Variants in PPCS observed in about 807,000 individuals in gnomAD.
PPCS encodes phosphopantothenate--cysteine ligase.
A neutral mutation model predicts 24.6 loss-of-function variants in PPCS; 17 were observed. The ratio of observed to expected loss-of-function variants is 0.69; its 90% CI spans 0.47 to 1.04. The LOEUF (loss-of-function observed/expected upper bound fraction) is 1.04, where lower values mean the gene tolerates loss of function less well. Among genes scored for constraint, PPCS ranks in the 50% least tolerant of loss-of-function variants. The pLI is 0.00. For missense variants in PPCS, 360 were observed against 402.8 expected (o/e 0.89, Z 0.91); for synonymous variants, 190 against 168.3 (o/e 1.13, Z -1.00).
downstream of PPCS, chr1:42,464,337 C>G (rs1289967715): frequency 1.3e-5 from 2 of 152,130 alleles, no homozygotes; most frequent in African/African-American, 4.8e-5. Flanking sequence ...TTCCTTGTTT[C>G]ATTAAATTTT....
chr1:42,458,696 T>C (rs1231450122), intron 2 of PPCS, among the ~76,000 whole-genome samples: 1 of 152,250 alleles, frequency 6.6e-6, no homozygotes, highest in African/African-American at 2.4e-5. Flanking sequence ...GATTTCACGC[T>C]TTTTAATCTC....
At chr1:42,471,388 C>T (rs1304612813) in intron 2 of PPCS, among the ~76,000 whole-genome samples, 2 of 152,172 alleles carry the variant, frequency 1.3e-5, no homozygotes, top group Non-Finnish European at 2.9e-5. Context: ...CTAATTACCT[C>T]ATCAGTTTAT....
At chr1:42,462,035 AAGT>A (rs1290644593), downstream of PPCS, among the ~76,000 whole-genome samples, 1 of 152,216 alleles carries the variant, frequency 6.6e-6, no homozygotes, top group Non-Finnish European at 1.5e-5. Context: ...ATGGGGTTAA[AAGT>A]AGAAGTGATC....
At chr1:42,473,073 T>TTGTG (rs1027187986) in intron 2 of PPCS, 4 of 1,171,578 alleles carry the variant, frequency 3.4e-6, no homozygotes, top group South Asian at 4.4e-5. Flanking sequence ...GCATCCTCAG[T>TTGTG]TGTGTGTGTG....
intron 2 of PPCS, among the ~76,000 whole-genome samples, chr1:42,469,401 G>T (rs1410543698): frequency 6.6e-6 from 1 of 152,156 alleles, no homozygotes; most frequent in African/African-American, 2.4e-5. Flanking sequence ...AAGGCAAAAT[G>T]CAGCAAGTGT....
At chr1:42,473,369 G>A (rs762795435) in exon 3 of PPCS, 26 of 938,058 alleles carry the variant, frequency 2.8e-5, no homozygotes, top group Non-Finnish European at 3.6e-5. Flanking sequence ...TCATTAAATT[G>A]ACATATTAAA....
At chr1:42,456,445 T>G (rs1000546667), upstream of PPCS, 20 of 1,050,138 alleles carry the variant, frequency 1.9e-5, no homozygotes, top group Non-Finnish European at 2.6e-5. Flanking sequence ...CGGGACCTAG[T>G]GTCAAAAGAA....
chr1:42,471,196 C>T (rs1643758675), intron 2 of PPCS, among the ~76,000 whole-genome samples: 1 of 152,080 alleles, frequency 6.6e-6, no homozygotes, highest in South Asian at 2.1e-4. Flanking sequence ...GACCTGAAGC[C>T]TGTACCGTCC....
At chr1:42,467,287 T>C (rs1464622099) in intron 2 of PPCS, among the ~76,000 whole-genome samples, 3 of 152,206 alleles carry the variant, frequency 2.0e-5, no homozygotes, top group Admixed American at 1.3e-4. Flanking sequence ...TGAGAATGGA[T>C]TGGATGAGGG....
intron 2 of PPCS, chr1:42,457,593 T>C (rs1569604067): frequency 1.9e-6 from 1 of 524,732 alleles, no homozygotes; most frequent in Non-Finnish European, 3.4e-6. Flanking sequence ...AGTCAGATCA[T>C]GGGGCGAGTG....
downstream of PPCS, among the ~76,000 whole-genome samples, chr1:42,461,646 ACACC>A: frequency 6.7e-6 from 1 of 150,286 alleles, no homozygotes; most frequent in Non-Finnish European, 1.5e-5. Context: ...TCCCGGGTTC[ACACC>A]ATTCTCCTTC....
Position 42,456,859 on chromosome 1 carries a change from C to T in PPCS, c.294C>T (p.Pro98=). The stretch of plus-strand genomic sequence containing the variant: ...TCCCCTATGCCCACCGCTTCCCACC[C>T]CAGACTTGGCTGTCCGCTCTGCGGC... ...SAFPYAHRFP[P]QTWLSALRPS... The change falls in exon 1 of 3, where the codon CCC becomes CCT. Residue 98 remains proline (P), a synonymous_variant. Transcript: ENST00000372561. The T allele has an allele frequency of 6.2e-7, 1 of 1,613,518 alleles. No individual in the cohort carries two copies. The highest frequency in any genetic ancestry group is 8.5e-7 in the Non-Finnish European group (1 of 1,180,040).
chr1:42,459,150 C>G (rs1375488809), intron 2 of PPCS: 1 of 151,572 alleles, frequency 6.6e-6, no homozygotes, highest in African/African-American at 2.6e-5. Context: ...TCTACAGAGC[C>G]AAGGCTTTTT....
intron 2 of PPCS, among the ~76,000 whole-genome samples, chr1:42,472,770 A>G (rs775757374): frequency 8.5e-5 from 13 of 152,152 alleles, no homozygotes; most frequent in Admixed American, 1.3e-4. Context: ...TTAAGTGCTC[A>G]TAACTAGATA....
chr1:42,464,305 C>G (rs1462011316), downstream of PPCS: 1 of 152,142 alleles, frequency 6.6e-6, no homozygotes, highest in African/African-American at 2.4e-5. Flanking sequence ...CCATTTCAGG[C>G]TTACATAATG....
intron 2 of PPCS, among the ~76,000 whole-genome samples, chr1:42,466,942 A>C (rs535242057): frequency 6.6e-6 from 1 of 152,362 alleles, no homozygotes; most frequent in African/African-American, 2.4e-5. Flanking sequence ...TATTACTTCA[A>C]GATCTAGTTT....
At position 42,456,899 on chromosome 1, in the gene PPCS, C is replaced by G. The variant is rs758500558; in HGVS notation, c.334C>G (p.Leu112Val). The G allele has an allele frequency of 6.2e-7, 1 of 1,612,236 alleles. No homozygotes were observed. Among genetic ancestry groups the G allele is most frequent in the East Asian group, 2.2e-5 (1 of 44,884 alleles). ...LSALRPSGPA[L>V]SGLLSLEAEE... ...CGCTCTGCGGCCTTCGGGCCCAGCC[C>G]TTTCGGGCTTGCTGAGCCTGGAGGC... Residue 112 changes from leucine (L) to valine (V), a missense_variant, in exon 1 of 3, where the codon CTT (leucine) becomes GTT (valine). Physicochemically the swap from Leu to Val is conservative, Grantham distance 32. Coordinates refer to ENST00000372561, the MANE Select transcript of PPCS (RefSeq NM_024664.4).
downstream of PPCS, among the ~76,000 whole-genome samples, chr1:42,465,297 T>C (rs138226045): frequency 6.8e-3 from 1,033 of 152,254 alleles, 11 homozygotes; most frequent in African/African-American, 0.024. Flanking sequence ...GGCTACAGAG[T>C]GAGACCCTGT....
intron 2 of PPCS, among the ~76,000 whole-genome samples, chr1:42,470,749 T>C (rs927470936): frequency 2.0e-5 from 3 of 152,132 alleles, no homozygotes; most frequent in Admixed American, 6.6e-5. Context: ...TTGTATAAAA[T>C]AGGCAGGTTT....
Sources: gnomAD v4.1 joint callset for allele counts (sites outside exome capture counted in the v4.1 genomes callset) on GRCh38, gnomAD v4.1.1 for gene constraint, MANE v1.5 for transcripts, NCBI Gene and HGNC (gene_info 2026-07-23, HGNC 2026-07-21) for gene names.